RFT1: variants seen among roughly 807,000 people sequenced by gnomAD.
The protein encoded by RFT1 is man(5)GlcNAc(2)-PP-dolichol translocation protein RFT1.
A neutral mutation model predicts 62.2 loss-of-function variants in RFT1; 43 were observed. The observed-to-expected ratio is 0.69, with a 90% CI of 0.54 to 0.89. The LOEUF is 0.89. Among genes scored for constraint, RFT1 ranks in the 40% least tolerant of loss-of-function variants. RFT1 has a pLI of 0.00. For synonymous variants in RFT1, 262 were observed against 264.6 expected (o/e 0.99, Z 0.10); for missense variants, 605 against 649.9 (o/e 0.93, Z 0.75).
chr3:53,121,576 G>A lies in RFT1; in HGVS notation c.558+123C>T. On this transcript the variant is annotated intron_variant, in intron 5 of 12. Coordinates refer to ENST00000296292, the MANE Select transcript of RFT1 (RefSeq NM_052859.4). ...AAGCAGTGCTAAGGCCACCCTTCTG[G>A]TGCTTCCACCTCCTGCACAGGCATG... 3 of 789,558 alleles carry A rather than the reference G, an allele frequency of 3.8e-6. No individual in the cohort carries two copies. In the South Asian group the frequency reaches 4.4e-5, roughly 12 times the overall value. 48.9% of individuals were successfully genotyped at this position (789,558 alleles called of 1,614,324 possible). A position where few individuals can be genotyped will look rare whatever the true frequency, so the allele number is the denominator to read the frequency against.
chr3:53,100,428 CT>C lies in RFT1; in HGVS notation c.1103-943del, dbSNP rs755310548. 5.9e-5 allele frequency among the ~76,000 whole-genome samples: 9 copies of C among 152,268 alleles called. No homozygotes were observed. The South Asian group carries it at 8.3e-4, about 14-fold the overall frequency. ...AACCTACGACCCAGCAATTGCACCC[CT>C]AGGTATATATCCAACAGAAATGAAC... On this transcript the variant is annotated intron_variant, in intron 10 of 12. Transcript: ENST00000296292.
the RFT1 span, among the ~76,000 whole-genome samples, chr3:53,081,949 T>C: frequency 5.9e-5 from 9 of 152,022 alleles, no homozygotes; most frequent in Non-Finnish European, 1.3e-4. Context: ...ATTTTTAGTT[T>C]TGTTTTGTTT....
intron 7 of RFT1, among the ~76,000 whole-genome samples, chr3:53,109,189 G>A (rs1347276830): frequency 6.6e-6 from 1 of 152,130 alleles, no homozygotes. Context: ...ACCACCTAGT[G>A]TGTCTTTTCT....
At chr3:53,112,716 C>A (rs9833487) in intron 6 of RFT1, among the ~76,000 whole-genome samples, 6,681 of 152,206 alleles carry the variant, frequency 0.044, 495 homozygotes, top group African/African-American at 0.15. Context: ...GAACTTCAGC[C>A]TGGATGACAG....
intron 5 of RFT1, among the ~76,000 whole-genome samples, chr3:53,121,150 TGAACTA>T (rs1182568041): frequency 6.6e-6 from 1 of 152,204 alleles, no homozygotes; most frequent in Non-Finnish European, 1.5e-5. Flanking sequence ...ACCAGAAATA[TGAACTA>T]GAACTAGGAA....
chr3:53,124,590 C>T (rs2107170226), intron 2 of RFT1, among the ~76,000 whole-genome samples: 1 of 152,304 alleles, frequency 6.6e-6, no homozygotes, highest in South Asian at 2.1e-4. Context: ...CAGGACCTGC[C>T]AATCTCAGGA....
intron 8 of RFT1, among the ~76,000 whole-genome samples, 197 bp from the exon 9 acceptor site, chr3:53,106,000 G>A (rs1359850256): frequency 2.8e-4 from 42 of 152,156 alleles, no homozygotes. Context: ...TGGGAGGCCA[G>A]GGTGGGTGGA....
chr3:53,104,130 G>C, intron 9 of RFT1, 33 bp from the exon 10 acceptor site: 1 of 1,612,976 alleles, frequency 6.2e-7, no homozygotes, highest in Non-Finnish European at 8.5e-7. Flanking sequence ...GAAGTTGGAT[G>C]AATCATGAGC....
intron 7 of RFT1, among the ~76,000 whole-genome samples, chr3:53,107,694 ATGC>A (rs1161864832): frequency 1.3e-5 from 2 of 151,460 alleles, no homozygotes; most frequent in Non-Finnish European, 3.0e-5. Flanking sequence ...AGACAGTCTA[ATGC>A]CTTCAAGGTG....
At chr3:53,087,195 C>A (rs1700872911), downstream of RFT1, among the ~76,000 whole-genome samples, 1 of 152,182 alleles carries the variant, frequency 6.6e-6, no homozygotes, top group African/African-American at 2.4e-5. Flanking sequence ...CAAGATCGTG[C>A]CACTGCACTC....
intron 10 of RFT1, 57 bp from the exon 11 acceptor site, chr3:53,099,543 C>T: frequency 1.5e-6 from 2 of 1,359,926 alleles, no homozygotes; most frequent in Non-Finnish European, 2.1e-6. Context: ...CCACATGTAC[C>T]CTCAGTGCTG....
intron 11 of RFT1, among the ~76,000 whole-genome samples, chr3:53,094,357 A>G (rs1447559669): frequency 0.045 from 748 of 16,634 alleles, 7 homozygotes; most frequent in African/African-American, 0.13. Flanking sequence ...ACACGCACAC[A>G]CACACACACA....
At chr3:53,121,907 G>C in intron 4 of RFT1, 107 bp from the exon 5 acceptor site, 1 of 865,108 alleles carries the variant, frequency 1.2e-6, no homozygotes, top group Non-Finnish European at 1.9e-6. Context: ...GGCTGTGGGG[G>C]CAGGGCACAC....
At chr3:53,105,626 A>G (rs760754137) in intron 9 of RFT1, 47 bp downstream of exon 9, 15 of 1,606,210 alleles carry the variant, frequency 9.3e-6, no homozygotes, top group East Asian at 2.2e-5. Flanking sequence ...CTGTCTTGCA[A>G]TTAAAGGGAG....
At position 53,100,294 on chromosome 3, in the gene RFT1, A is replaced by C. The variant is rs185350031; in HGVS notation, c.1103-808T>G. On this transcript the variant is annotated intron_variant, in intron 10 of 12. Transcript: ENST00000296292. ...AAAGTAATGCAGTTCTATAGCTAAC[A>C]AGCTTCGGAAAAATCTTCTAAGCAG... Among the ~76,000 whole-genome samples the C allele has an allele frequency of 5.8e-4, 88 of 152,362 alleles. 1 individual carries two copies. In the East Asian group the frequency reaches 8.9e-3, roughly 15 times the overall value.
Position 53,119,873 on chromosome 3 carries a change from G to GTAT in RFT1, c.696+8_696+10dup. The GTAT allele has an allele frequency of 2.5e-6, 4 of 1,600,412 alleles. No individual in the cohort carries two copies. The highest frequency in any genetic ancestry group is 3.4e-6 in the Non-Finnish European group (4 of 1,170,470). On this transcript the variant is annotated intron_variant, in intron 6 of 12. Coordinates refer to ENST00000296292, the MANE Select transcript of RFT1 (RefSeq NM_052859.4). ...GATTAAAATGATAAGAGATAAAAAT[G>GTAT]TATTACTTACTCCATTTCTTGTAAT...
chr3:53,075,945 T>C, the RFT1 span, among the ~76,000 whole-genome samples: 2 of 152,112 alleles, frequency 1.3e-5, no homozygotes, highest in African/African-American at 4.8e-5. Context: ...AAGGGGAAGT[T>C]AACATGGGGT....
At chr3:53,101,882 A>G (rs1316721063) in intron 10 of RFT1, among the ~76,000 whole-genome samples, 1 of 152,118 alleles carries the variant, frequency 6.6e-6, no homozygotes, top group Non-Finnish European at 1.5e-5. Context: ...TACTAAATAT[A>G]CAAAAACTTA....
chr3:53,104,224 C>A, intron 9 of RFT1, 127 bp from the exon 10 acceptor site: 1 of 963,450 alleles, frequency 1.0e-6, no homozygotes. Flanking sequence ...ATGGATATCA[C>A]TATTTTTTTG....
Sources: gnomAD v4.1 joint callset for allele counts (sites outside exome capture counted in the v4.1 genomes callset) on GRCh38, gnomAD v4.1.1 for gene constraint, MANE v1.5 for transcripts, NCBI Gene and HGNC (gene_info 2026-07-23, HGNC 2026-07-21) for gene names.